The following FTO variants were observed in gnomAD, a reference collection of about 807,000 sequenced individuals.
The protein encoded by FTO is FTO alpha-ketoglutarate dependent dioxygenase, also known as alpha-ketoglutarate-dependent dioxygenase FTO.
Under a neutral mutation model 63.9 loss-of-function variants are expected in FTO, and 47 were observed. The ratio of observed to expected loss-of-function variants is 0.74; its 90% CI spans 0.58 to 0.94. The LOEUF (loss-of-function observed/expected upper bound fraction) is 0.94. FTO is among the 40% of genes least tolerant of loss of function. The pLI, the probability that FTO is intolerant of heterozygous loss-of-function variation, is 0.00. For synonymous variants in FTO, 207 were observed against 224.4 expected (o/e 0.92, Z 0.69); for missense variants, 562 against 618.1 (o/e 0.91, Z 0.96).
chr16:53,862,702 AT>A (rs968575884), intron 4 of FTO, among the ~76,000 whole-genome samples: 23 of 147,520 alleles, frequency 1.6e-4, no homozygotes, highest in Admixed American at 9.4e-4. Flanking sequence ...CACCCAGCTA[AT>A]TTTTTTTTTG....
At chr16:53,911,381 T>C (rs759963336) in intron 7 of FTO, 1 of 703,110 alleles carries the variant, frequency 1.4e-6, no homozygotes, top group Admixed American at 2.0e-5. Flanking sequence ...GGTGGTAGAA[T>C]GGAGTGGAGG....
chr16:53,890,672 G>A lies in FTO; in HGVS notation c.1239+1721G>A, dbSNP rs563996647. On this transcript the variant is annotated intron_variant, in intron 7 of 8. Transcript: ENST00000471389. ...ATTGATTTCTCCAAAGACCTGAATC[G>A]ATGCAAAACTGAGCATTGTGAAACT... Among the ~76,000 whole-genome samples, 370 of 152,234 alleles carry A rather than the reference G, an allele frequency of 2.4e-3. 1 individual carries two copies. Among genetic ancestry groups the A allele is most frequent in the African/African-American group, 8.1e-3 (336 of 41,540 alleles).
intron 4 of FTO, among the ~76,000 whole-genome samples, chr16:53,846,919 G>A (rs185843085): frequency 5.7e-4 from 87 of 151,756 alleles, no homozygotes; most frequent in Admixed American, 5.6e-3. Context: ...GCTTATTTGA[G>A]AGAAAAGAAA....
At chr16:53,787,621 A>T (rs1369728450) in intron 1 of FTO, among the ~76,000 whole-genome samples, 2 of 152,212 alleles carry the variant, frequency 1.3e-5, no homozygotes, top group Non-Finnish European at 2.9e-5. Flanking sequence ...ACGCTGACTC[A>T]TACAGTTTCA....
intron 1 of FTO, among the ~76,000 whole-genome samples, chr16:53,746,021 C>T (rs2076643426): frequency 6.6e-6 from 1 of 152,184 alleles, no homozygotes; most frequent in African/African-American, 2.4e-5. Context: ...TGAGTGCATT[C>T]AGCCTTGGTG....
chr16:53,970,054 T>C (rs2083281618), intron 8 of FTO, among the ~76,000 whole-genome samples: 1 of 152,176 alleles, frequency 6.6e-6, no homozygotes, highest in Non-Finnish European at 1.5e-5. Flanking sequence ...GTGTGGCCAA[T>C]GGTTCTTTTG....
At chr16:53,769,081 G>C (rs2151626519) in intron 1 of FTO, among the ~76,000 whole-genome samples, 1 of 152,240 alleles carries the variant, frequency 6.6e-6, no homozygotes, top group Non-Finnish European at 1.5e-5. Context: ...GGCGCCTTTT[G>C]AAAGTCAGGA....
At chr16:54,077,523 C>G (rs1262574077) in intron 8 of FTO, among the ~76,000 whole-genome samples, 1 of 152,116 alleles carries the variant, frequency 6.6e-6, no homozygotes, top group Non-Finnish European at 1.5e-5. Context: ...GCCGCCTCCC[C>G]CACCAAGCTA....
intron 1 of FTO, among the ~76,000 whole-genome samples, chr16:53,780,817 C>G (rs1390407826): frequency 1.3e-5 from 2 of 152,160 alleles, no homozygotes. Context: ...GGACTTTCAT[C>G]TTCTTCTTTA....
At chr16:54,059,199 G>A (rs185257268) in intron 8 of FTO, among the ~76,000 whole-genome samples, 12 of 152,336 alleles carry the variant, frequency 7.9e-5, no homozygotes, top group Admixed American at 5.2e-4. Context: ...CCTTGCAGCC[G>A]AGTGAAAAAT....
chr16:53,970,590 CAA>C (rs750908676), intron 8 of FTO, among the ~76,000 whole-genome samples: 14 of 65,270 alleles, frequency 2.1e-4, no homozygotes, highest in Admixed American at 7.4e-4. Flanking sequence ...GACTCCATCT[CAA>C]AAAAAAAAAA....
intron 8 of FTO, chr16:53,992,694 G>A (rs773270982): frequency 6.6e-6 from 1 of 152,074 alleles, no homozygotes; most frequent in Non-Finnish European, 1.5e-5. Flanking sequence ...TTAGAGTATT[G>A]AGGACCTGAG....
chr16:54,022,115 C>A (rs185332860), intron 8 of FTO, among the ~76,000 whole-genome samples: 199 of 152,160 alleles, frequency 1.3e-3, no homozygotes, highest in Non-Finnish European at 2.5e-3. Context: ...CCTGAGTTTT[C>A]TTTATCGGAA....
At chr16:53,951,314 T>C (rs77116718) in intron 8 of FTO, among the ~76,000 whole-genome samples, 6,385 of 152,256 alleles carry the variant, frequency 0.042, 422 homozygotes, top group African/African-American at 0.14. Context: ...AGTGCTGAGA[T>C]AGGATTCAGA....
intron 8 of FTO, among the ~76,000 whole-genome samples, chr16:54,073,231 C>T (rs1438780532): frequency 6.6e-6 from 1 of 152,090 alleles, no homozygotes; most frequent in South Asian, 2.1e-4. Flanking sequence ...GGATGGGACA[C>T]CTTTCTTCCC....
intron 8 of FTO, among the ~76,000 whole-genome samples, chr16:54,005,489 T>C (rs2084180705): frequency 6.6e-6 from 1 of 151,658 alleles, no homozygotes; most frequent in African/African-American, 2.4e-5. Flanking sequence ...CTATATAACA[T>C]AGCTGTGTCC....
At chr16:53,814,649 A>G (rs1861867) in intron 2 of FTO, 104,070 of 152,180 alleles carry the variant, frequency 0.68, 36,598 homozygotes, top group African/African-American at 0.85. Flanking sequence ...CTTCTGAGAT[A>G]ACTCTGCTCT....
chr16:53,998,135 T>G, intron 8 of FTO, among the ~76,000 whole-genome samples: 1 of 152,092 alleles, frequency 6.6e-6, no homozygotes, highest in East Asian at 1.9e-4. Flanking sequence ...GGAAGTACGC[T>G]TCTAGGGTAG....
chr16:53,959,831 G>T (rs1599092075), intron 8 of FTO, among the ~76,000 whole-genome samples: 1 of 152,048 alleles, frequency 6.6e-6, no homozygotes, highest in East Asian at 1.9e-4. Context: ...GTACAAGCTG[G>T]GTCCTGAAGG....
Sources: allele counts gnomAD v4.1 joint callset (sites outside exome capture counted in the v4.1 genomes callset), GRCh38; gene constraint gnomAD v4.1.1; transcripts MANE v1.5; gene names NCBI Gene and HGNC (gene_info 2026-07-23, HGNC 2026-07-21).